PPP2R1A: variants seen among roughly 807,000 people sequenced by gnomAD.
PPP2R1A encodes the protein serine/threonine-protein phosphatase 2A 65 kDa regulatory subunit A alpha isoform.
Under a neutral mutation model 67.1 loss-of-function variants are expected in PPP2R1A, and 15 were observed. The observed-to-expected ratio is 0.22, with a 90% CI of 0.15 to 0.34. The LOEUF is 0.34. PPP2R1A is among the 10% of genes least tolerant of loss of function. The pLI is 1.00. For synonymous variants in PPP2R1A, 337 were observed against 325.0 expected (o/e 1.04, Z -0.40); for missense variants, 369 against 775.0 (o/e 0.48, Z 6.22).
At chr19:52,196,868 C>T (rs1312587576) in intron 1 of PPP2R1A, among the ~76,000 whole-genome samples, 1 of 152,188 alleles carries the variant, frequency 6.6e-6, no homozygotes, top group African/African-American at 2.4e-5. Context: ...CCATTCCAGA[C>T]AGGAAGGAGG....
intron 3 of PPP2R1A, among the ~76,000 whole-genome samples, chr19:52,206,293 G>A (rs1470456314): frequency 1.3e-5 from 2 of 152,166 alleles, no homozygotes; most frequent in African/African-American, 4.8e-5. Flanking sequence ...CCCAGTGCCA[G>A]GCCTTACCTG....
intron 3 of PPP2R1A, among the ~76,000 whole-genome samples, chr19:52,210,491 T>TTC (rs1278523665): frequency 6.6e-6 from 1 of 150,572 alleles, no homozygotes; most frequent in Non-Finnish European, 1.5e-5. Flanking sequence ...CTTCTTTTTT[T>TTC]TTTTTTTTTT....
chr19:52,202,383 A>T lies in PPP2R1A; in HGVS notation c.169+349A>T, dbSNP rs1279439596. ...CATGTGCCAAAGTGTTGATCTGAGC[A>T]TTCAATGTTAATAACAATTGCTAAT... On this transcript the variant is annotated intron_variant, in intron 2 of 14. Transcript: ENST00000322088. Among the ~76,000 whole-genome samples, 5 of 152,220 alleles carry T rather than the reference A, an allele frequency of 3.3e-5. No individual in the cohort carries two copies. In the East Asian group the frequency reaches 9.6e-4, roughly 29 times the overall value.
At chr19:52,194,197 G>A (rs1315618252) in intron 1 of PPP2R1A, among the ~76,000 whole-genome samples, 3 of 152,072 alleles carry the variant, frequency 2.0e-5, no homozygotes, top group African/African-American at 7.2e-5. Flanking sequence ...GCTGCTCTGA[G>A]GAAGTGATGT....
In PPP2R1A at chr19:52,201,894, G is replaced by A. The variant is rs56008302; in HGVS notation, c.79-50G>A. ...GGTTGAGAGCTGTCAGAACTCACGC[G>A]TGTCTGGGATTTCTAACATTCTCCC... On this transcript the variant is annotated intron_variant, in intron 1 of 14. Coordinates refer to ENST00000322088, the MANE Select transcript of PPP2R1A (RefSeq NM_014225.6). 481 of 1,551,422 alleles carry A rather than the reference G, an allele frequency of 3.1e-4. 2 individuals carry two copies. In the African/African-American group the frequency reaches 5.9e-3, roughly 19 times the overall value.
At position 52,210,488 on chromosome 19, in the gene PPP2R1A, T is replaced by C. The variant is rs1228506609; in HGVS notation, c.271-772T>C. Reference sequence around the variant, plus strand: ...GCTGTACCTCAGTTTTCTCTTCTTTTTTTTTTTTTTTTTTTTCTTTTTGAG... The same window carrying C: ...GCTGTACCTCAGTTTTCTCTTCTTTCTTTTTTTTTTTTTTTTCTTTTTGAG... On this transcript the variant is annotated intron_variant, in intron 3 of 14. Coordinates refer to ENST00000322088, the MANE Select transcript of PPP2R1A (RefSeq NM_014225.6). Among the ~76,000 whole-genome samples, 681 of 148,288 alleles carry C rather than the reference T, an allele frequency of 4.6e-3. 5 individuals are homozygous for C. The highest frequency in any genetic ancestry group is 0.017 in the African/African-American group (656 of 39,102).
intron 6 of PPP2R1A, among the ~76,000 whole-genome samples, chr19:52,214,960 A>G (rs1978475824): frequency 6.6e-6 from 1 of 152,190 alleles, no homozygotes; most frequent in South Asian, 2.1e-4. Context: ...TCCTGGCCTC[A>G]AGTGATCCAC....
At chr19:52,195,847 C>T (rs1256093718) in intron 1 of PPP2R1A, among the ~76,000 whole-genome samples, 1 of 152,080 alleles carries the variant, frequency 6.6e-6, no homozygotes, top group African/African-American at 2.4e-5. Flanking sequence ...CAGGCCCTGT[C>T]CTTTTGGGTT....
At chr19:52,202,126 T>C in intron 2 of PPP2R1A, 92 bp downstream of exon 2, 2 of 1,093,710 alleles carry the variant, frequency 1.8e-6, no homozygotes, top group Non-Finnish European at 2.7e-6. Context: ...TAACATATTG[T>C]TTGTGAATAT....
chr19:52,216,768 A>G lies in PPP2R1A; in HGVS notation c.1128+105A>G. On this transcript the variant is annotated intron_variant, in intron 9 of 14. Transcript: ENST00000322088. The surrounding 1 kb of genome is among the most constrained non-coding windows in gnomAD (Gnocchi z 4.3). ...TGACCAGGAATCTGCTGATATCTCA[A>G]CAGACATCCAGATCTTTGCTGAGTT... The G allele has an allele frequency of 3.3e-6, 5 of 1,503,590 alleles. No homozygotes were observed. Among genetic ancestry groups the G allele is most frequent in the Non-Finnish European group, 4.6e-6 (5 of 1,095,604 alleles). 93.1% of individuals were successfully genotyped at this position (1,503,590 alleles called of 1,614,324 possible). A position where few individuals can be genotyped will look rare whatever the true frequency, so the allele number is the denominator to read the frequency against.
rs1978897991 is a variant in PPP2R1A, at chr19:52,221,108, G to A, written c.1493G>A (p.Arg498His). 6.2e-7 allele frequency: 1 copy of A among 1,614,214 alleles called. No individual in the cohort carries two copies. The highest frequency in any genetic ancestry group is 8.5e-7 in the Non-Finnish European group (1 of 1,180,032). The change falls in exon 12 of 15, where the codon CGC (arginine) becomes CAC (histidine). Residue 498 changes from arginine (R) to histidine (H), a missense_variant. Arg to His is a conservative substitution (Grantham distance 29, BLOSUM62 0). This residue lies in a region of PPP2R1A where 276 missense variants were observed against 508.4 expected (regional missense o/e 0.54). Transcript: ENST00000322088. Reference sequence around the variant, plus strand: ...TCCGGAGACCCCAACTACCTGCACCGCATGACTACGCTCTTCTGCATCAAT... The same window carrying A: ...TCCGGAGACCCCAACTACCTGCACCACATGACTACGCTCTTCTGCATCAAT... ...AMSGDPNYLH[R>H]MTTLFCINVL...
intron 11 of PPP2R1A, 98 bp from the exon 12 acceptor site, chr19:52,220,881 G>T (rs577699965): frequency 2.8e-5 from 40 of 1,415,850 alleles, no homozygotes; most frequent in Non-Finnish European, 3.8e-5. Context: ...TGGCACCTAG[G>T]GGCTGCTTTG....
At chr19:52,190,238 C>T in intron 1 of PPP2R1A, 64 bp downstream of exon 1, 1 of 1,515,038 alleles carries the variant, frequency 6.6e-7, no homozygotes, top group Non-Finnish European at 8.9e-7. Context: ...GGGCGGCCCT[C>T]GCGGAGAAGA....
intron 2 of PPP2R1A, among the ~76,000 whole-genome samples, chr19:52,203,504 T>TA: frequency 6.6e-6 from 1 of 152,294 alleles, no homozygotes; most frequent in East Asian, 1.9e-4. Flanking sequence ...TAGCCTCATT[T>TA]CCCTTGTCTG....
chr19:52,205,538 A>G (rs2089593375), intron 2 of PPP2R1A, among the ~76,000 whole-genome samples: 1 of 152,216 alleles, frequency 6.6e-6, no homozygotes, highest in African/African-American at 2.4e-5. Flanking sequence ...AAGGATAAAA[A>G]TAAATTTCTG....
At chr19:52,194,659 G>T (rs879694067) in intron 1 of PPP2R1A, among the ~76,000 whole-genome samples, 3 of 151,992 alleles carry the variant, frequency 2.0e-5, no homozygotes, top group Admixed American at 2.0e-4. Flanking sequence ...AAGAGTTGAG[G>T]GTGACTGAAG....
Position 52,206,075 on chromosome 19 carries a change from G to A in PPP2R1A, c.270+12G>A. The A allele has an allele frequency of 5.0e-6, 8 of 1,611,324 alleles. No homozygotes were observed. The highest frequency in any genetic ancestry group is 5.9e-6 in the Non-Finnish European group (7 of 1,177,624). On this transcript the variant is annotated intron_variant, in intron 3 of 14. Coordinates refer to ENST00000322088, the MANE Select transcript of PPP2R1A (RefSeq NM_014225.6). ...TGCACTGCCTGCTGGTGAGTGGAAGGCAGGAAGTCCTCTTGCCCACCCCTT... is the reference window on the plus strand; with the variant it reads ...TGCACTGCCTGCTGGTGAGTGGAAGACAGGAAGTCCTCTTGCCCACCCCTT...
Position 52,216,137 on chromosome 19 carries a change from G to A in PPP2R1A, c.993+63G>A. The A allele has an allele frequency of 6.5e-7, 1 of 1,545,556 alleles. No homozygotes were observed. The highest frequency in any genetic ancestry group is 1.7e-4 in the Middle Eastern group (1 of 5,928). Reference sequence around the variant, plus strand: ...GAGCCTGCCAAAAAGAGGGGCTGGAGACAAGGCTTTGGGGATAGTCAGCTG... The same window carrying A: ...GAGCCTGCCAAAAAGAGGGGCTGGAAACAAGGCTTTGGGGATAGTCAGCTG... On this transcript the variant is annotated intron_variant, in intron 8 of 14. Transcript: ENST00000322088. This position sits in a 1 kb window ranked among gnomAD's most constrained non-coding sequence, Gnocchi z 4.3.
intron 1 of PPP2R1A, chr19:52,191,006 C>G (rs956451752): frequency 6.6e-6 from 1 of 152,166 alleles, no homozygotes; most frequent in Non-Finnish European, 1.5e-5. Context: ...ATTACCGGCG[C>G]GAGCCACCAC....
Sources: allele counts gnomAD v4.1 joint callset (sites outside exome capture counted in the v4.1 genomes callset), GRCh38; gene constraint gnomAD v4.1.1; regional missense constraint gnomAD v4.1.1; non-coding constraint Gnocchi (gnomAD v3.1); transcripts MANE v1.5; gene names NCBI Gene and HGNC (gene_info 2026-07-23, HGNC 2026-07-21).